Variants in CNST observed in about 807,000 individuals in gnomAD.
CNST encodes consortin.
A neutral mutation model predicts 72.4 loss-of-function variants in CNST; 39 were observed. The observed-to-expected ratio is 0.54, with a 90% CI of 0.42 to 0.70. CNST has a LOEUF of 0.70. Among genes scored for constraint, CNST ranks in the 30% least tolerant of loss-of-function variants. The pLI is 0.00. For missense variants in CNST, 871 were observed against 868.5 expected (o/e 1.00, Z -0.04); for synonymous variants, 332 against 320.1 (o/e 1.04, Z -0.40).
intron 1 of CNST, among the ~76,000 whole-genome samples, chr1:246,570,492 A>C (rs936026091): frequency 1.3e-5 from 2 of 152,220 alleles, no homozygotes; most frequent in African/African-American, 4.8e-5. Context: ...CCCTCTTCTC[A>C]ACCTTTATAG....
At chr1:246,639,458 C>A (rs191361393) in intron 6 of CNST, among the ~76,000 whole-genome samples, 78 of 152,112 alleles carry the variant, frequency 5.1e-4, no homozygotes, top group Admixed American at 2.6e-3. Context: ...AGTGTGCGGT[C>A]GGTTGTGAGC....
intron 1 of CNST, among the ~76,000 whole-genome samples, chr1:246,572,022 G>A (rs1660097989): frequency 6.6e-6 from 1 of 152,034 alleles, no homozygotes; most frequent in Non-Finnish European, 1.5e-5. Flanking sequence ...TGAATTAGGT[G>A]ACTGTGGTTT....
intron 2 of CNST, among the ~76,000 whole-genome samples, chr1:246,612,751 G>T (rs115312116): frequency 0.029 from 4,404 of 151,956 alleles, 212 homozygotes; most frequent in African/African-American, 0.1. Context: ...TTAGCCAGGG[G>T]GTGTGCACTT....
At chr1:246,574,315 A>G (rs900856590) in intron 1 of CNST, among the ~76,000 whole-genome samples, 9 of 152,230 alleles carry the variant, frequency 5.9e-5, no homozygotes, top group African/African-American at 2.2e-4. Flanking sequence ...TGTTGGGATT[A>G]CAGGCGTGAG....
At chr1:246,579,434 A>G (rs1660648482) in intron 1 of CNST, among the ~76,000 whole-genome samples, 1 of 152,226 alleles carries the variant, frequency 6.6e-6, no homozygotes, top group South Asian at 2.1e-4. Flanking sequence ...TTGAACTCTT[A>G]GTGCTATGCA....
chr1:246,616,850 G>T (rs1172197981), intron 2 of CNST, among the ~76,000 whole-genome samples: 1 of 151,732 alleles, frequency 6.6e-6, no homozygotes, highest in East Asian at 1.9e-4. Context: ...ACTGCGCCCG[G>T]CCAATACTTT....
intron 1 of CNST, among the ~76,000 whole-genome samples, chr1:246,571,786 A>G (rs1313368802): frequency 2.6e-5 from 4 of 152,226 alleles, no homozygotes; most frequent in Non-Finnish European, 5.9e-5. Context: ...AGCTGGGGCT[A>G]TAGGCATGTG....
intron 1 of CNST, among the ~76,000 whole-genome samples, chr1:246,586,881 A>G (rs1205700499): frequency 2.6e-5 from 4 of 152,166 alleles, no homozygotes; most frequent in Non-Finnish European, 4.4e-5. Flanking sequence ...TATACACCTG[A>G]AAACAGCTGG....
At chr1:246,575,623 G>T (rs1050950127) in intron 1 of CNST, among the ~76,000 whole-genome samples, 1 of 152,054 alleles carries the variant, frequency 6.6e-6, no homozygotes, top group African/African-American at 2.4e-5. Flanking sequence ...GGGCAGGGGG[G>T]ATCTTTTCGG....
intron 9 of CNST, among the ~76,000 whole-genome samples, chr1:246,650,632 T>G (rs1425617233): frequency 6.6e-6 from 1 of 151,648 alleles, no homozygotes; most frequent in Non-Finnish European, 1.5e-5. Context: ...ATTTTTATTT[T>G]AAAAATTTCT....
intron 2 of CNST, among the ~76,000 whole-genome samples, chr1:246,602,982 A>G (rs1057488306): frequency 2.1e-4 from 32 of 152,176 alleles, no homozygotes; most frequent in African/African-American, 7.7e-4. Context: ...ATTACAATCA[A>G]TCAAACCTTT....
chr1:246,589,622 G>A lies in CNST; in HGVS notation c.-51-1890G>A, dbSNP rs900762708. 2.6e-5 allele frequency among the ~76,000 whole-genome samples: 4 copies of A among 152,120 alleles called. No individual in the cohort carries two copies. The South Asian group carries it at 8.3e-4, about 31-fold the overall frequency. ...CAGCATGATTTATAATCCTTTGGGTGTATACCCAGTAATGGGATGGCTGGG... is the reference window on the plus strand; with the variant it reads ...CAGCATGATTTATAATCCTTTGGGTATATACCCAGTAATGGGATGGCTGGG... On this transcript the variant is annotated intron_variant, in intron 1 of 10. Transcript: ENST00000366513.
At chr1:246,615,444 G>A (rs1663625564) in intron 2 of CNST, among the ~76,000 whole-genome samples, 1 of 151,638 alleles carries the variant, frequency 6.6e-6, no homozygotes, top group Admixed American at 6.6e-5. Flanking sequence ...CAAAGTGCTG[G>A]GATTACAGGC....
intron 1 of CNST, chr1:246,569,893 A>C (rs137945280): frequency 2.4e-5 from 23 of 974,568 alleles, no homozygotes; most frequent in Non-Finnish European, 2.8e-5. Flanking sequence ...TGTCGACTAA[A>C]TTGTAGGGAG....
chr1:246,577,846 G>A (rs533531812), intron 1 of CNST, among the ~76,000 whole-genome samples: 4 of 152,126 alleles, frequency 2.6e-5, no homozygotes, highest in East Asian at 1.9e-4. Flanking sequence ...ATTTCTTTGC[G>A]TTTTTACTAA....
intron 9 of CNST, among the ~76,000 whole-genome samples, chr1:246,650,605 A>G (rs1666391646): frequency 6.6e-6 from 1 of 152,080 alleles, no homozygotes; most frequent in Non-Finnish European, 1.5e-5. Flanking sequence ...GGGTTTGCTT[A>G]TAAGTGCAAA....
At position 246,666,785 on chromosome 1, in the gene CNST, G is replaced by C. The variant is rs540665390; in HGVS notation, c.*880G>C. 2 of 152,300 alleles carry C rather than the reference G, an allele frequency of 1.3e-5. No individual in the cohort carries two copies. The highest frequency in any genetic ancestry group is 4.1e-4 in the South Asian group (2 of 4,828). The allele number at this position is 152,300 out of a possible 1,614,324, so 9.4% of individuals were successfully genotyped here. A position where few individuals can be genotyped will look rare whatever the true frequency, so the allele number is the denominator to read the frequency against. On this transcript the variant is annotated 3_prime_UTR_variant, in exon 11 of 11. Transcript: ENST00000366513. ...CAAACGCTTACACCTATTATGTTCT[G>C]AGATTCTGAGAACCAGAATGCAAAC...
intron 1 of CNST, among the ~76,000 whole-genome samples, chr1:246,568,851 G>A (rs1023100964): frequency 1.3e-5 from 2 of 152,180 alleles, no homozygotes; most frequent in Admixed American, 6.5e-5. Context: ...TTACAGGCGT[G>A]AGCCACCACG....
At chr1:246,604,605 T>C (rs1662563383) in intron 2 of CNST, among the ~76,000 whole-genome samples, 1 of 151,686 alleles carries the variant, frequency 6.6e-6, no homozygotes, top group South Asian at 2.1e-4. Flanking sequence ...GCTATTAGGC[T>C]CTCCCCCTTC....
Sources: allele counts gnomAD v4.1 joint callset (sites outside exome capture counted in the v4.1 genomes callset), GRCh38; gene constraint gnomAD v4.1.1; transcripts MANE v1.5; gene names NCBI Gene and HGNC (gene_info 2026-07-23, HGNC 2026-07-21).